The following ANKRD36B variants were observed in gnomAD, a reference collection of about 807,000 sequenced individuals.
ANKRD36B encodes ankyrin repeat domain 36B.
A neutral mutation model predicts 135.7 loss-of-function variants in ANKRD36B; 37 were observed. That is an observed-to-expected ratio of 0.27 (90% CI 0.21 to 0.36). ANKRD36B has a LOEUF of 0.36. ANKRD36B is among the 10% of genes least tolerant of loss of function. ANKRD36B has a pLI of 1.00. For synonymous variants in ANKRD36B, 179 were observed against 348.1 expected, an observed-to-expected ratio of 0.51 and a Z score of 5.41; for missense variants, 549 against 1,037.1, an observed-to-expected ratio of 0.53 and a Z score of 6.46.
At position 97,524,517 on chromosome 2, in the gene ANKRD36B, GAGAC is replaced by G. The variant is rs2104389767; in HGVS notation, c.2266-1054_2266-1051del. On this transcript the variant is annotated intron_variant, in intron 35 of 43. Coordinates refer to ENST00000359901, the MANE Select transcript of ANKRD36B (RefSeq NM_001393939.1). ...GAAGGTGACTGGCAAGCATATTCTG[GAGAC>G]CCAGAGTATGAATGAGAAAGAAAGG... 2.1e-5 allele frequency: 2 copies of G among 95,670 alleles called. 1 individual carries two copies. The highest frequency in any genetic ancestry group is 6.3e-5 in the African/African-American group (2 of 31,946). 5.9% of individuals were successfully genotyped at this position (95,670 alleles called of 1,614,324 possible).
intron 6 of ANKRD36B, among the ~76,000 whole-genome samples, chr2:97,567,142 A>G (rs1312976408): frequency 2.6e-5 from 4 of 151,882 alleles, no homozygotes; most frequent in Admixed American, 1.3e-4. Context: ...GGATACAGAT[A>G]AAGAGATGCA....
At chr2:97,586,419 G>T (rs1041426478) in intron 1 of ANKRD36B, among the ~76,000 whole-genome samples, 28 of 138,534 alleles carry the variant, frequency 2.0e-4, no homozygotes, top group Admixed American at 1.1e-3. Flanking sequence ...AAAAAAAAAG[G>T]AATAAAAGAT....
At chr2:97,554,213 A>G (rs1365443306) in intron 14 of ANKRD36B, among the ~76,000 whole-genome samples, 1 of 151,940 alleles carries the variant, frequency 6.6e-6, no homozygotes, top group Non-Finnish European at 1.5e-5. Flanking sequence ...ACTCAACATT[A>G]TATTTGTTTT....
At chr2:97,562,547 A>G (rs1456757476) in intron 6 of ANKRD36B, among the ~76,000 whole-genome samples, 1 of 151,966 alleles carries the variant, frequency 6.6e-6, no homozygotes, top group Non-Finnish European at 1.5e-5. Flanking sequence ...GCTTTCCATT[A>G]AGTGACTTCC....
At chr2:97,555,742 A>C (rs892093705) in intron 12 of ANKRD36B, among the ~76,000 whole-genome samples, 1 of 152,056 alleles carries the variant, frequency 6.6e-6, no homozygotes, top group African/African-American at 2.4e-5. Context: ...TGTACACTTC[A>C]CGTCTCTTAA....
In ANKRD36B at chr2:97,563,589, G is replaced by A. The variant is rs539022423; in HGVS notation, c.764-2729C>T. ...TAAATTGTGATCTGAGTAGTTTAGA[G>A]TTTAACATTCATGAAGGGGAGCCAA... On this transcript the variant is annotated intron_variant, in intron 6 of 43. Coordinates refer to ENST00000359901, the MANE Select transcript of ANKRD36B (RefSeq NM_001393939.1). 3.3e-5 allele frequency among the ~76,000 whole-genome samples: 5 copies of A among 152,120 alleles called. No homozygotes were observed. In the South Asian group the frequency reaches 1.0e-3, roughly 32 times the overall value.
chr2:97,566,784 T>C (rs1287559973), intron 6 of ANKRD36B, among the ~76,000 whole-genome samples: 1 of 152,134 alleles, frequency 6.6e-6, no homozygotes, highest in East Asian at 1.9e-4. Flanking sequence ...TTCAACATGA[T>C]GTTCCTCTTC....
rs1049319935 is a variant in ANKRD36B, at chr2:97,585,417, T to C, written c.162-19A>G. 2.6e-6 allele frequency: 4 copies of C among 1,553,264 alleles called. No individual in the cohort carries two copies. The African/African-American group carries it at 4.1e-5, about 16-fold the overall frequency. On this transcript the variant is annotated intron_variant, in intron 1 of 43. Transcript: ENST00000359901. The stretch of plus-strand genomic sequence containing the variant: ...GGCAGTCCTGTGAGAGTGACAGGAC[T>C]TTTTAAAACATGTAACTGTAAGCAT...
Position 97,522,048 on chromosome 2 carries a change from T to C in ANKRD36B, c.2407+1278A>G, listed in dbSNP as rs1204555321. ...ACTCAAAATGGAGCACAGATTTAAA[T>C]GGAAGATCCAAATCTATAAAATTTC... On this transcript the variant is annotated intron_variant, in intron 36 of 43. Transcript: ENST00000359901. Among the ~76,000 whole-genome samples the C allele has an allele frequency of 2.4e-5, 2 of 83,820 alleles. 1 individual carries two copies. Among genetic ancestry groups the C allele is most frequent in the Non-Finnish European group, 6.2e-5 (2 of 32,302 alleles). The allele number at this position is 83,820 out of a possible 152,430, so 55.0% of individuals were successfully genotyped here.
intron 5 of ANKRD36B, among the ~76,000 whole-genome samples, chr2:97,577,944 AAAG>A (rs1216372219): frequency 6.6e-6 from 1 of 151,908 alleles, no homozygotes. Context: ...TGGTAGCAAT[AAAG>A]AAGAACACTG....
chr2:97,496,835 A>G (rs190370721), intron 43 of ANKRD36B, among the ~76,000 whole-genome samples: 2,058 of 47,990 alleles, frequency 0.043, 247 homozygotes, highest in Admixed American at 0.15. Context: ...ATGTGTGTGT[A>G]TATATATATA....
At chr2:97,565,942 G>A (rs2081395785) in intron 6 of ANKRD36B, among the ~76,000 whole-genome samples, 1 of 151,560 alleles carries the variant, frequency 6.6e-6, no homozygotes, top group Admixed American at 6.6e-5. Flanking sequence ...TACTCAGAAG[G>A]CTGAGGCAGA....
intron 1 of ANKRD36B, among the ~76,000 whole-genome samples, chr2:97,587,452 A>G (rs1422185098): frequency 1.3e-5 from 2 of 152,142 alleles, no homozygotes; most frequent in Non-Finnish European, 2.9e-5. Context: ...ACTTTTTTTC[A>G]GAGTACATCT....
intron 1 of ANKRD36B, 114 bp downstream of exon 1, chr2:97,589,411 C>T: frequency 7.8e-6 from 5 of 641,884 alleles, no homozygotes; most frequent in South Asian, 7.7e-5. Flanking sequence ...CCCCCTAGCC[C>T]CCGTCCATAC....
chr2:97,585,408 T>C lies in ANKRD36B; in HGVS notation c.162-10A>G. ...CAAATGTAGGGCAGTCCTGTGAGAGTGACAGGACTTTTTAAAACATGTAAC... is the reference window on the plus strand; with the variant it reads ...CAAATGTAGGGCAGTCCTGTGAGAGCGACAGGACTTTTTAAAACATGTAAC... On this transcript the variant is annotated splice_polypyrimidine_tract_variant and intron_variant, in intron 1 of 43. Coordinates refer to ENST00000359901, the MANE Select transcript of ANKRD36B (RefSeq NM_001393939.1). 1 of 1,557,650 alleles carries C rather than the reference T, an allele frequency of 6.4e-7. No individual in the cohort carries two copies. Among genetic ancestry groups the C allele is most frequent in the Non-Finnish European group, 8.7e-7 (1 of 1,149,858 alleles).
Position 97,544,699 on chromosome 2 carries a change from G to A in ANKRD36B, c.1682-714C>T, listed in dbSNP as rs1466560583. 4.2e-5 allele frequency among the ~76,000 whole-genome samples: 4 copies of A among 96,346 alleles called. 1 individual carries two copies. The highest frequency in any genetic ancestry group is 9.2e-5 in the Admixed American group (1 of 10,894). The allele number at this position is 96,346 out of a possible 152,430, so 63.2% of individuals were successfully genotyped here. A position where few individuals can be genotyped will look rare whatever the true frequency, so the allele number is the denominator to read the frequency against. ...AATATCATCAATTACCAATGTTGAC[G>A]TACTTCTACAAAGTAAAACTGCTAC... On this transcript the variant is annotated intron_variant, in intron 24 of 43. Coordinates refer to ENST00000359901, the MANE Select transcript of ANKRD36B (RefSeq NM_001393939.1).
intron 32 of ANKRD36B, 44 bp from the exon 33 acceptor site, chr2:97,536,540 G>A: frequency 1.3e-6 from 1 of 795,712 alleles, no homozygotes; most frequent in African/African-American, 1.8e-5. Flanking sequence ...AATATGGTAA[G>A]GCCAACCATA....
chr2:97,565,662 A>AT (rs2081370296), intron 6 of ANKRD36B, among the ~76,000 whole-genome samples: 1 of 151,838 alleles, frequency 6.6e-6, no homozygotes, highest in South Asian at 2.1e-4. Context: ...ATAACATCTC[A>AT]TGCCATTTAG....
Position 97,541,686 on chromosome 2 carries a change from T to C in ANKRD36B, c.1885+225A>G, listed in dbSNP as rs1235939001. 4 of 473,006 alleles carry C rather than the reference T, an allele frequency of 8.5e-6. 1 individual carries two copies. The highest frequency in any genetic ancestry group is 8.5e-6 in the Non-Finnish European group (2 of 235,748). The allele number at this position is 473,006 out of a possible 1,614,324, so 29.3% of individuals were successfully genotyped here. A position where few individuals can be genotyped will look rare whatever the true frequency, so the allele number is the denominator to read the frequency against. ...TATGTGCTAAACCACTCTCCTATGG[T>C]TATTCTTCCTAATTTCAATGTAGGG... On this transcript the variant is annotated intron_variant, in intron 28 of 43. Coordinates refer to ENST00000359901, the MANE Select transcript of ANKRD36B (RefSeq NM_001393939.1).
Sources: allele counts gnomAD v4.1 joint callset (sites outside exome capture counted in the v4.1 genomes callset), GRCh38; gene constraint gnomAD v4.1.1; transcripts MANE v1.5; gene names NCBI Gene and HGNC (gene_info 2026-07-23, HGNC 2026-07-21).